The following CDKAL1 variants were observed in gnomAD, a reference collection of about 807,000 sequenced individuals.
CDKAL1 encodes the protein threonylcarbamoyladenosine tRNA methylthiotransferase.
Under a neutral mutation model 68.2 loss-of-function variants are expected in CDKAL1, and 32 were observed. That is an observed-to-expected ratio of 0.47 (90% CI 0.35 to 0.63). The LOEUF is 0.63. Ranked by LOEUF, CDKAL1 falls within the 30% of genes least tolerant of loss-of-function variation. The pLI, the probability that CDKAL1 is intolerant of heterozygous loss-of-function variation, is 0.00. For synonymous variants in CDKAL1, 234 were observed against 244.3 expected (o/e 0.96, Z 0.39); for missense variants, 606 against 696.7 (o/e 0.87, Z 1.47).
At chr6:20,609,256 C>T (rs1255213419) in intron 4 of CDKAL1, among the ~76,000 whole-genome samples, 44 of 103,128 alleles carry the variant, frequency 4.3e-4, no homozygotes, top group Middle Eastern at 4.2e-3. Context: ...TCTTCTTCCT[C>T]CTTCCTTCCT....
At chr6:21,018,279 G>A (rs1348137062) in intron 11 of CDKAL1, among the ~76,000 whole-genome samples, 2 of 152,132 alleles carry the variant, frequency 1.3e-5, no homozygotes, top group Admixed American at 6.5e-5. Context: ...ATAATATCAA[G>A]CCACGGAAAA....
At chr6:20,873,581 G>T (rs1760334881) in intron 9 of CDKAL1, among the ~76,000 whole-genome samples, 1 of 152,128 alleles carries the variant, frequency 6.6e-6, no homozygotes, top group Non-Finnish European at 1.5e-5. Context: ...CGGTAGTTCT[G>T]TGGCCCATGA....
At chr6:20,971,918 AT>A (rs1765622129) in intron 10 of CDKAL1, among the ~76,000 whole-genome samples, 2 of 152,198 alleles carry the variant, frequency 1.3e-5, no homozygotes, top group South Asian at 2.1e-4. Flanking sequence ...ATTAAAAAAA[AT>A]AACGTGAAAA....
chr6:21,004,116 T>C (rs913809190), intron 11 of CDKAL1, among the ~76,000 whole-genome samples: 4 of 152,240 alleles, frequency 2.6e-5, no homozygotes, highest in Non-Finnish European at 5.9e-5. Flanking sequence ...AGACAACCTA[T>C]AGCATTTAAG....
intron 14 of CDKAL1, among the ~76,000 whole-genome samples, chr6:21,198,505 C>T (rs1036783868): frequency 6.6e-6 from 1 of 152,134 alleles, no homozygotes; most frequent in Non-Finnish European, 1.5e-5. Context: ...GGTACATCAC[C>T]CGGACAGTTT....
At chr6:20,781,601 G>GT (rs919804470) in intron 8 of CDKAL1, among the ~76,000 whole-genome samples, 31 of 152,060 alleles carry the variant, frequency 2.0e-4, no homozygotes, top group Admixed American at 5.2e-4. Context: ...ATATTCGACT[G>GT]TTTTTTTCAG....
At position 20,875,701 on chromosome 6, in the gene CDKAL1, G is replaced by A. The variant is rs567061298; in HGVS notation, c.742+29523G>A. 5.9e-5 allele frequency among the ~76,000 whole-genome samples: 9 copies of A among 152,192 alleles called. No individual in the cohort carries two copies. The South Asian group carries it at 1.9e-3, about 32-fold the overall frequency. On this transcript the variant is annotated intron_variant, in intron 9 of 15. Transcript: ENST00000274695. ...AATGAAAAAAAATAGGGTCTGTAAA[G>A]CTATTTAATAATCTTACAATTTATT...
intron 9 of CDKAL1, among the ~76,000 whole-genome samples, chr6:20,878,204 T>A (rs1260598715): frequency 6.6e-6 from 1 of 152,200 alleles, no homozygotes; most frequent in Non-Finnish European, 1.5e-5. Context: ...CCATTAAGTG[T>A]CTCATACATA....
intron 13 of CDKAL1, among the ~76,000 whole-genome samples, chr6:21,145,918 A>G (rs1054904438): frequency 6.6e-6 from 1 of 152,180 alleles, no homozygotes; most frequent in African/African-American, 2.4e-5. Flanking sequence ...ATAAAATTAC[A>G]TGGCTGGTTT....
At chr6:20,827,737 G>T (rs1561810924) in intron 8 of CDKAL1, among the ~76,000 whole-genome samples, 1 of 152,108 alleles carries the variant, frequency 6.6e-6, no homozygotes. Context: ...TAGGTGATTT[G>T]TCAATGAGGT....
At chr6:21,044,740 C>G (rs1041837715) in intron 11 of CDKAL1, among the ~76,000 whole-genome samples, 1 of 152,176 alleles carries the variant, frequency 6.6e-6, no homozygotes, top group African/African-American at 2.4e-5. Context: ...TTCTAAACCT[C>G]TGTAAGCTAG....
At chr6:20,676,665 T>TTAAATAAATAAATAAATAAA (rs146546357) in intron 5 of CDKAL1, among the ~76,000 whole-genome samples, 1 of 132,864 alleles carries the variant, frequency 7.5e-6, no homozygotes, top group African/African-American at 3.3e-5. Flanking sequence ...AGACTCTGTC[T>TTAAATAAATAAATAAATAAA]TAAATAAATA....
At chr6:20,869,007 T>C (rs1252727025) in intron 9 of CDKAL1, among the ~76,000 whole-genome samples, 1 of 152,222 alleles carries the variant, frequency 6.6e-6, no homozygotes, top group Non-Finnish European at 1.5e-5. Context: ...AGGTGGCGGA[T>C]GTGCAGCGAG....
intron 4 of CDKAL1, among the ~76,000 whole-genome samples, chr6:20,637,316 A>G (rs1049845196): frequency 2.0e-5 from 3 of 151,950 alleles, no homozygotes; most frequent in Non-Finnish European, 2.9e-5. Flanking sequence ...TAATCTCAGC[A>G]CTCTGGGAGG....
intron 4 of CDKAL1, among the ~76,000 whole-genome samples, chr6:20,549,858 C>T (rs899539517): frequency 6.6e-6 from 1 of 152,216 alleles, no homozygotes; most frequent in South Asian, 2.1e-4. Flanking sequence ...CCACTCGCCT[C>T]GGCCTCCCAA....
chr6:20,757,166 C>G (rs1774253793), intron 6 of CDKAL1, among the ~76,000 whole-genome samples: 1 of 152,072 alleles, frequency 6.6e-6, no homozygotes, highest in African/African-American at 2.4e-5. Flanking sequence ...CTCCTGACCT[C>G]AAGTGATCTG....
chr6:20,755,540 A>T (rs1774131789), intron 6 of CDKAL1, among the ~76,000 whole-genome samples: 1 of 151,640 alleles, frequency 6.6e-6, no homozygotes, highest in African/African-American at 2.4e-5. Flanking sequence ...ACTTCGTCTC[A>T]TCTAAAATGC....
At chr6:21,187,902 A>G (rs1033061857) in intron 13 of CDKAL1, among the ~76,000 whole-genome samples, 2 of 152,238 alleles carry the variant, frequency 1.3e-5, no homozygotes, top group Admixed American at 1.3e-4. Context: ...ATTTTTTCCC[A>G]GAAGCACAGC....
chr6:20,902,319 AC>A (rs1762034577), intron 9 of CDKAL1, among the ~76,000 whole-genome samples: 1 of 3,790 alleles, frequency 2.6e-4, no homozygotes, highest in African/African-American at 6.6e-4. Context: ...ATTCACACAC[AC>A]ACACACACAC....
Sources: gnomAD v4.1 joint callset for allele counts (sites outside exome capture counted in the v4.1 genomes callset) on GRCh38, gnomAD v4.1.1 for gene constraint, MANE v1.5 for transcripts, NCBI Gene and HGNC (gene_info 2026-07-23, HGNC 2026-07-21) for gene names.